The following TBL1Y variants were observed in gnomAD, a reference collection of about 807,000 sequenced individuals.
The protein encoded by TBL1Y is transducin beta like 1 Y-linked, also known as F-box-like/WD repeat-containing protein TBL1Y.
Under a neutral mutation model 12.0 loss-of-function variants are expected in TBL1Y, and 15 were observed. That is an observed-to-expected ratio of 1.25 (90% CI 0.83 to 1.92). The LOEUF is 1.92. Among genes scored for constraint, TBL1Y ranks in the 40% most tolerant of loss-of-function variants. The pLI is 0.00. For synonymous variants in TBL1Y, 53 were observed against 42.6 expected, an observed-to-expected ratio of 1.24 and a Z score of -0.95; for missense variants, 148 against 116.7, an observed-to-expected ratio of 1.27 and a Z score of -1.24.
At chrY:7,063,780 T>C in intron 7 of TBL1Y, 117 bp from the exon 8 acceptor site, 1 of 265,134 alleles carries the variant, frequency 3.8e-6, no homozygotes, top group Non-Finnish European at 6.0e-6. Context: ...CCCTGGCTGC[T>C]GGGAGCCAGC....
At chrY:7,036,171 A>G in intron 6 of TBL1Y, among the ~76,000 whole-genome samples, 1 of 32,777 alleles carries the variant, frequency 3.1e-5, no homozygotes, top group Non-Finnish European at 7.5e-5. Flanking sequence ...GTTTCTTATC[A>G]CCCTTCATTG....
chrY:6,993,521 A>G, intron 3 of TBL1Y, among the ~76,000 whole-genome samples: 1 of 31,079 alleles, frequency 3.2e-5, no homozygotes, highest in Non-Finnish European at 7.6e-5. Context: ...TGCAATAGCT[A>G]TTTGTCCTGA....
chrY:7,026,778 G>T (rs186535705), intron 6 of TBL1Y, among the ~76,000 whole-genome samples: 1 of 34,021 alleles, frequency 2.9e-5, no homozygotes, highest in Non-Finnish European at 7.3e-5. Context: ...ACAATAACGC[G>T]TAGACCTTGG....
intron 6 of TBL1Y, among the ~76,000 whole-genome samples, chrY:7,028,655 T>C (rs2012637807): frequency 5.8e-5 from 2 of 34,246 alleles, no homozygotes; most frequent in Admixed American, 2.6e-4. Flanking sequence ...AGACGACTTA[T>C]GCATTACCAA....
At chrY:7,024,006 TTTCTG>T (rs2012597585) in intron 5 of TBL1Y, among the ~76,000 whole-genome samples, 1 of 33,723 alleles carries the variant, frequency 3.0e-5, no homozygotes, top group Non-Finnish European at 7.3e-5. Context: ...GGTGTTTGGT[TTTCTG>T]TTCTTGTGTT....
intron 4 of TBL1Y, among the ~76,000 whole-genome samples, chrY:7,011,092 G>T: frequency 2.9e-5 from 1 of 34,091 alleles, no homozygotes; most frequent in Non-Finnish European, 7.3e-5. Context: ...AAGACTAAGA[G>T]GACTTGCAAA....
intron 4 of TBL1Y, among the ~76,000 whole-genome samples, chrY:7,008,371 G>T: frequency 3.0e-5 from 1 of 32,841 alleles, no homozygotes; most frequent in African/African-American, 1.2e-4. Context: ...GGACGGTGAT[G>T]CAGTGGAGAT....
intron 7 of TBL1Y, among the ~76,000 whole-genome samples, chrY:7,063,573 C>T (rs367991731): frequency 6.3e-5 from 2 of 31,583 alleles, no homozygotes; most frequent in African/African-American, 1.3e-4. Flanking sequence ...CAGGGTGGAG[C>T]AGGTAATCTG....
chrY:7,086,924 T>A, intron 16 of TBL1Y, among the ~76,000 whole-genome samples: 1 of 26,718 alleles, frequency 3.7e-5, no homozygotes, highest in Non-Finnish European at 8.4e-5. Context: ...TATATATATA[T>A]CTTATATATT....
chrY:6,998,443 A>G (rs986322483), intron 4 of TBL1Y, among the ~76,000 whole-genome samples: 2 of 32,671 alleles, frequency 6.1e-5, no homozygotes, highest in African/African-American at 1.2e-4. Context: ...CTCTACAAAA[A>G]AATAGAAATT....
chrY:6,991,840 C>G (rs2012366505), intron 3 of TBL1Y, among the ~76,000 whole-genome samples: 2 of 34,180 alleles, frequency 5.9e-5, no homozygotes, highest in Non-Finnish European at 1.5e-4. Context: ...GGCAATGCCT[C>G]AACTTACAGA....
intron 3 of TBL1Y, among the ~76,000 whole-genome samples, chrY:6,981,439 A>G: frequency 3.0e-5 from 1 of 33,634 alleles, no homozygotes; most frequent in Non-Finnish European, 7.3e-5. Flanking sequence ...GTTATTCATC[A>G]TTAATTGTTA....
At chrY:6,964,967 A>T in intron 2 of TBL1Y, among the ~76,000 whole-genome samples, 1 of 32,067 alleles carries the variant, frequency 3.1e-5, no homozygotes, top group African/African-American at 1.2e-4. Context: ...TTGCCGTGGG[A>T]TGTTGATATA....
intron 3 of TBL1Y, among the ~76,000 whole-genome samples, chrY:6,978,590 A>T: frequency 3.0e-5 from 1 of 33,803 alleles, no homozygotes; most frequent in Admixed American, 2.7e-4. Flanking sequence ...CAAAAAATAG[A>T]TTTGTATTAT....
chrY:6,945,121 C>T (rs2011977075), intron 2 of TBL1Y, among the ~76,000 whole-genome samples: 1 of 24,033 alleles, frequency 4.2e-5, no homozygotes, highest in East Asian at 1.1e-3. Context: ...GTTGCCTTGT[C>T]CTTTCCTTTC....
chrY:6,943,309 G>A (rs2011964613), intron 2 of TBL1Y, among the ~76,000 whole-genome samples: 1 of 32,856 alleles, frequency 3.0e-5, no homozygotes, highest in African/African-American at 1.2e-4. Context: ...GAGGCTGCTG[G>A]CCAGGACTGA....
At chrY:6,938,125 G>A in intron 2 of TBL1Y, among the ~76,000 whole-genome samples, 3 of 33,740 alleles carry the variant, frequency 8.9e-5, no homozygotes, top group Non-Finnish European at 1.5e-4. Context: ...CAAAATTACT[G>A]TTCCCAGGTT....
intron 8 of TBL1Y, among the ~76,000 whole-genome samples, chrY:7,064,483 T>C: frequency 3.0e-5 from 1 of 33,597 alleles, no homozygotes; most frequent in Admixed American, 2.7e-4. Context: ...CAGCCCTCCA[T>C]GTTGAGTGTT....
intron 7 of TBL1Y, among the ~76,000 whole-genome samples, chrY:7,044,665 G>A (rs905392179): frequency 3.1e-5 from 1 of 32,716 alleles, no homozygotes; most frequent in Non-Finnish European, 7.5e-5. Flanking sequence ...GGTGTGGGGT[G>A]GACAGGGTCT....
Sources: gnomAD v4.1 joint callset for allele counts (sites outside exome capture counted in the v4.1 genomes callset) on GRCh38, gnomAD v4.1.1 for gene constraint, MANE v1.5 for transcripts, NCBI Gene and HGNC (gene_info 2026-07-23, HGNC 2026-07-21) for gene names.